Variants in STK24 observed in about 807,000 individuals in gnomAD.
STK24 encodes the protein serine/threonine-protein kinase 24.
In STK24, 21 loss-of-function variants were observed where a neutral mutation model predicts 55.6. That is an observed-to-expected ratio of 0.38 (90% CI 0.27 to 0.54). STK24 has a LOEUF of 0.54. Among genes scored for constraint, STK24 ranks in the 20% least tolerant of loss-of-function variants. The probability of loss-of-function intolerance (pLI) is 0.79; values close to 1 mark genes in which losing one functional copy is unlikely to be tolerated. For missense variants in STK24, 383 were observed against 538.4 expected (o/e 0.71, Z 2.86); for synonymous variants, 200 against 215.2 (o/e 0.93, Z 0.62).
intron 1 of STK24, among the ~76,000 whole-genome samples, chr13:98,567,585 G>C (rs751662324): frequency 1.3e-5 from 2 of 152,196 alleles, no homozygotes; most frequent in Non-Finnish European, 2.9e-5. Flanking sequence ...GACCAGTAGA[G>C]AGATGGAAAA....
intron 2 of STK24, among the ~76,000 whole-genome samples, chr13:98,511,268 A>G (rs903204362): frequency 1.3e-4 from 20 of 152,262 alleles, no homozygotes; most frequent in Non-Finnish European, 2.5e-4. Flanking sequence ...CTCAAAAATC[A>G]TAAGTCATTA....
intron 1 of STK24, chr13:98,521,629 GCACCTC>G: frequency 1.6e-6 from 1 of 607,024 alleles, no homozygotes; most frequent in Non-Finnish European, 3.0e-6. Flanking sequence ...CCTTGAACCT[GCACCTC>G]CACCTCCTCT....
rs534030478 is a variant in STK24, at chr13:98,555,804, C to T, written c.42+20941G>A. On this transcript the variant is annotated intron_variant, in intron 1 of 10. Coordinates refer to ENST00000539966, the MANE Select transcript of STK24 (RefSeq NM_001032296.4). ...CACGCCATTCTCCTGCCTCAGCCTC[C>T]CGAGTAGCTGGGACTACAGGTGCCC... 1.3e-3 allele frequency among the ~76,000 whole-genome samples: 190 copies of T among 150,514 alleles called. 2 individuals carry two copies. The South Asian group carries it at 0.016, about 13-fold the overall frequency.
In STK24 at chr13:98,445,959, C is replaced by T. The variant is rs1384383191; in HGVS notation, c.*7214G>A. On this transcript the variant is annotated 3_prime_UTR_variant, in exon 11 of 11. Coordinates refer to ENST00000539966, the MANE Select transcript of STK24 (RefSeq NM_001032296.4). Reference sequence around the variant, plus strand: ...AGGACCTGCCAAGTCTCCCCACACACGGGGGAGCGGGGGTGGGGCCCACAT... The same window carrying T: ...AGGACCTGCCAAGTCTCCCCACACATGGGGGAGCGGGGGTGGGGCCCACAT... 9.9e-6 allele frequency: 6 copies of T among 604,492 alleles called. No individual in the cohort carries two copies. The highest frequency in any genetic ancestry group is 2.8e-5 in the East Asian group (1 of 35,298). 37.4% of individuals were successfully genotyped at this position (604,492 alleles called of 1,614,324 possible). A position where few individuals can be genotyped will look rare whatever the true frequency, so the allele number is the denominator to read the frequency against.
chr13:98,502,041 C>G (rs1895485146), intron 2 of STK24, among the ~76,000 whole-genome samples: 1 of 152,196 alleles, frequency 6.6e-6, no homozygotes, highest in Non-Finnish European at 1.5e-5. Context: ...ACTCTAAAAA[C>G]TAATCCAGGA....
intron 1 of STK24, among the ~76,000 whole-genome samples, chr13:98,553,080 C>A (rs1293816370): frequency 6.6e-6 from 1 of 152,154 alleles, no homozygotes; most frequent in Non-Finnish European, 1.5e-5. Context: ...GATGGGAAAT[C>A]TCTGCACCTT....
At chr13:98,477,532 G>A (rs1403099674) in intron 3 of STK24, among the ~76,000 whole-genome samples, 3 of 152,012 alleles carry the variant, frequency 2.0e-5, no homozygotes, top group African/African-American at 4.8e-5. Flanking sequence ...AAAATTAGCC[G>A]GGCATGATGG....
At chr13:98,543,006 C>A (rs755881109) in intron 1 of STK24, 1 of 985,214 alleles carries the variant, frequency 1.0e-6, no homozygotes, top group East Asian at 1.1e-4. Flanking sequence ...AGCCAGCTAG[C>A]GTGGACCTGG....
chr13:98,493,549 C>T (rs1396851908), intron 2 of STK24, among the ~76,000 whole-genome samples: 1 of 152,196 alleles, frequency 6.6e-6, no homozygotes, highest in African/African-American at 2.4e-5. Context: ...AAATGATCAT[C>T]AACTGCCAAG....
Position 98,536,105 on chromosome 13 carries a change from G to C in STK24, c.43-16632C>G, listed in dbSNP as rs545405644. ...ATGGAGGTGCGAAGGTCATAGACAAGGTTGATTTGTCACAAATAGGAACAC... is the reference window on the plus strand; with the variant it reads ...ATGGAGGTGCGAAGGTCATAGACAACGTTGATTTGTCACAAATAGGAACAC... On this transcript the variant is annotated intron_variant, in intron 1 of 10. Coordinates refer to ENST00000539966, the MANE Select transcript of STK24 (RefSeq NM_001032296.4). 2.0e-5 allele frequency among the ~76,000 whole-genome samples: 3 copies of C among 152,328 alleles called. No individual in the cohort carries two copies. The East Asian group carries it at 5.8e-4, about 29-fold the overall frequency.
At chr13:98,463,595 A>G (rs1893802265) in intron 7 of STK24, 96 bp downstream of exon 7, 1 of 1,414,808 alleles carries the variant, frequency 7.1e-7, no homozygotes, top group East Asian at 2.4e-5. Context: ...AAAAAAAAAA[A>G]AAAACTCAAC....
At position 98,547,969 on chromosome 13, in the gene STK24, C is replaced by A. The variant is rs140775396; in HGVS notation, c.43-28496G>T. On this transcript the variant is annotated intron_variant, in intron 1 of 10. Coordinates refer to ENST00000539966, the MANE Select transcript of STK24 (RefSeq NM_001032296.4). ...GAGGCTATTTATGCAGCTGGGCCACCAAGCCCTCCCCTCTCTCCCTTAAGA... is the reference window on the plus strand; with the variant it reads ...GAGGCTATTTATGCAGCTGGGCCACAAAGCCCTCCCCTCTCTCCCTTAAGA... 3.0e-3 allele frequency among the ~76,000 whole-genome samples: 457 copies of A among 152,256 alleles called. 2 individuals carry two copies. The highest frequency in any genetic ancestry group is 0.01 in the African/African-American group (421 of 41,532).
At chr13:98,562,486 T>C (rs1276744638) in intron 1 of STK24, among the ~76,000 whole-genome samples, 2 of 152,214 alleles carry the variant, frequency 1.3e-5, no homozygotes, top group Non-Finnish European at 2.9e-5. Flanking sequence ...ACTACTACTC[T>C]GACATAAAAT....
rs201260887 is a variant in STK24, at chr13:98,567,943, A to G, written c.42+8802T>C. Reference sequence around the variant, plus strand: ...AGTAGGTAGTGGTTTAAAAAAAAAAAGGGGGGGGGTGGGGAGTAGAGGAAG... The same window carrying G: ...AGTAGGTAGTGGTTTAAAAAAAAAAGGGGGGGGGGTGGGGAGTAGAGGAAG... On this transcript the variant is annotated intron_variant, in intron 1 of 10. Coordinates refer to ENST00000539966, the MANE Select transcript of STK24 (RefSeq NM_001032296.4). Among the ~76,000 whole-genome samples, 1,004 of 101,316 alleles carry G rather than the reference A, an allele frequency of 9.9e-3. 1 individual carries two copies. The highest frequency in any genetic ancestry group is 0.013 in the African/African-American group (308 of 23,064). The allele number at this position is 101,316 out of a possible 152,430, so 66.5% of individuals were successfully genotyped here.
chr13:98,542,516 C>T (rs1273302347), intron 1 of STK24, among the ~76,000 whole-genome samples: 1 of 151,956 alleles, frequency 6.6e-6, no homozygotes, highest in African/African-American at 2.4e-5. Flanking sequence ...ACACAGTAAC[C>T]CCTCATACTC....
At chr13:98,515,720 T>C (rs374918733) in intron 2 of STK24, among the ~76,000 whole-genome samples, 4 of 152,362 alleles carry the variant, frequency 2.6e-5, no homozygotes. Flanking sequence ...TCCTTTTTTC[T>C]AGACTAAAAG....
At chr13:98,576,656 T>A in intron 1 of STK24, 89 bp downstream of exon 1, 2 of 1,187,166 alleles carry the variant, frequency 1.7e-6, no homozygotes, top group Non-Finnish European at 2.3e-6. Flanking sequence ...CCCGGCCGGC[T>A]GAGCGTAGGG....
Position 98,475,298 on chromosome 13 carries a change from C to T in STK24, c.391G>A (p.Gly131Arg). The part of the protein sequence containing the change: ...IATILREILK[G>R]LDYLHSEKKI... Reference sequence around the variant, plus strand: ...TTCTCCGAATGGAGATAATCGAGTCCTTTCAGTATTTCTCTTAATATAGTA... The same window carrying T: ...TTCTCCGAATGGAGATAATCGAGTCTTTTCAGTATTTCTCTTAATATAGTA... The change falls in exon 4 of 11, where the codon GGA becomes AGA. Residue 131 changes from glycine (G) to arginine (R), a missense_variant. Coordinates refer to ENST00000539966, the MANE Select transcript of STK24 (RefSeq NM_001032296.4). The T allele has an allele frequency of 1.2e-6, 2 of 1,613,954 alleles. No individual in the cohort carries two copies. The highest frequency in any genetic ancestry group is 1.7e-6 in the Non-Finnish European group (2 of 1,179,920).
chr13:98,562,638 G>A (rs1897454050), intron 1 of STK24, among the ~76,000 whole-genome samples: 1 of 152,196 alleles, frequency 6.6e-6, no homozygotes, highest in Admixed American at 6.5e-5. Context: ...GTTCCAGGCT[G>A]GGTGCAGTGG....
Sources: allele counts gnomAD v4.1 joint callset (sites outside exome capture counted in the v4.1 genomes callset), GRCh38; gene constraint gnomAD v4.1.1; transcripts MANE v1.5; gene names NCBI Gene and HGNC (gene_info 2026-07-23, HGNC 2026-07-21).